The following MS4A12 variants were observed in gnomAD, a reference collection of about 807,000 sequenced individuals.
MS4A12 encodes the protein membrane-spanning 4-domains subfamily A member 12.
In MS4A12, 28 loss-of-function variants were observed where a neutral mutation model predicts 23.7. The observed-to-expected ratio is 1.18, with a 90% CI of 0.88 to 1.62. MS4A12 has a LOEUF of 1.62. MS4A12 is among the 40% of genes most tolerant of loss of function. The probability of loss-of-function intolerance (pLI) is 0.00; values close to 1 mark genes in which losing one functional copy is unlikely to be tolerated. For missense variants in MS4A12, 342 were observed against 327.0 expected (o/e 1.05, Z -0.35); for synonymous variants, 108 against 110.1 (o/e 0.98, Z 0.12).
At chr11:60,497,876 A>C in intron 2 of MS4A12, 1 of 295,576 alleles carries the variant, frequency 3.4e-6, no homozygotes. Context: ...CATTTCTTCA[A>C]AGGACTTTTT....
At chr11:60,505,772 C>T (rs1176978774) in intron 5 of MS4A12, among the ~76,000 whole-genome samples, 1 of 152,126 alleles carries the variant, frequency 6.6e-6, no homozygotes, top group Non-Finnish European at 1.5e-5. Flanking sequence ...TGGTACAAGA[C>T]CATGAGTAGT....
chr11:60,503,804 A>T lies in MS4A12; in HGVS notation c.575A>T (p.Asp192Val). 2 of 1,613,388 alleles carry T rather than the reference A, an allele frequency of 1.2e-6. No individual in the cohort carries two copies. The highest frequency in any genetic ancestry group is 1.7e-6 in the Non-Finnish European group (2 of 1,179,522). Residue 192 changes from aspartate to valine, a missense_variant, in exon 5 of 7, where the codon GAC becomes GTC. Asp to Val is a radical substitution (Grantham distance 152). Coordinates refer to ENST00000016913, the MANE Select transcript of MS4A12 (RefSeq NM_017716.3). ...DMCINGVAGQ[D>V]YWAVLSGKGI... Reference sequence around the variant, plus strand: ...TGCATCAATGGGGTAGCTGGCCAAGACTACTGGGCCGTGGTAAGTATCCCA... The same window carrying T: ...TGCATCAATGGGGTAGCTGGCCAAGTCTACTGGGCCGTGGTAAGTATCCCA...
At chr11:60,495,359 T>C (rs896410997) in intron 1 of MS4A12, among the ~76,000 whole-genome samples, 1 of 151,356 alleles carries the variant, frequency 6.6e-6, no homozygotes, top group Non-Finnish European at 1.5e-5. Flanking sequence ...TTTTCAACCA[T>C]TTTCAGTTGC....
At chr11:60,501,265 A>G in intron 3 of MS4A12, 83 bp downstream of exon 3, 3 of 1,343,478 alleles carry the variant, frequency 2.2e-6, no homozygotes, top group Non-Finnish European at 3.0e-6. Context: ...ATCTCCAGCC[A>G]ATTCACAACT....
chr11:60,494,251 G>T (rs2086471276), intron 1 of MS4A12, among the ~76,000 whole-genome samples: 1 of 152,030 alleles, frequency 6.6e-6, no homozygotes, highest in Non-Finnish European at 1.5e-5. Context: ...GAATAATCTG[G>T]GTTCTATGTG....
chr11:60,499,949 A>G (rs1010302609), intron 2 of MS4A12, among the ~76,000 whole-genome samples: 3 of 152,234 alleles, frequency 2.0e-5, no homozygotes, highest in Non-Finnish European at 1.5e-5. Context: ...GATTGGTAAG[A>G]AAATGATTGC....
At chr11:60,498,761 G>C (rs560811319) in intron 2 of MS4A12, among the ~76,000 whole-genome samples, 1 of 152,306 alleles carries the variant, frequency 6.6e-6, no homozygotes, top group Admixed American at 6.5e-5. Context: ...TGGTCAGAAT[G>C]GGCTTTCCTT....
chr11:60,505,832 G>T (rs997436321), intron 5 of MS4A12, among the ~76,000 whole-genome samples: 1 of 152,140 alleles, frequency 6.6e-6, no homozygotes, highest in Non-Finnish European at 1.5e-5. Context: ...CCCATACCCT[G>T]CATGGTACCC....
At position 60,503,815 on chromosome 11, in the gene MS4A12, G is replaced by T. The variant is rs767822239; in HGVS notation, c.586G>T (p.Val196Leu). The change falls in exon 5 of 7, where the codon GTG becomes TTG. Residue 196 changes from valine to leucine, a missense_variant and splice_region_variant. Coordinates refer to ENST00000016913, the MANE Select transcript of MS4A12 (RefSeq NM_017716.3). ...GGTAGCTGGCCAAGACTACTGGGCC[G>T]TGGTAAGTATCCCATACTCCACCAT... is the stretch of plus-strand genomic sequence containing the variant. ...NGVAGQDYWA[V>L]LSGKGISATL... is the part of the protein sequence containing the mutation. The T allele has an allele frequency of 6.2e-7, 1 of 1,610,924 alleles. No homozygotes were observed. The highest frequency in any genetic ancestry group is 1.1e-5 in the South Asian group (1 of 90,856).
At chr11:60,506,641 A>T (rs1356315387) in intron 5 of MS4A12, 87 bp from the exon 6 acceptor site, 1 of 896,674 alleles carries the variant, frequency 1.1e-6, no homozygotes, top group Admixed American at 2.1e-5. Context: ...TATAAGCAAT[A>T]GCACATTTGA....
Position 60,502,013 on chromosome 11 carries a change from G to A in MS4A12, c.445G>A (p.Ala149Thr). 1 of 1,613,068 alleles carries A rather than the reference G, an allele frequency of 6.2e-7. No homozygotes were observed. Reference sequence around the variant, plus strand: ...TATCTCTGGCTCTCTCTCTGTGTCAGCATCCAAGGAGCTTTCCCGTTGTCT... The same window carrying A: ...TATCTCTGGCTCTCTCTCTGTGTCAACATCCAAGGAGCTTTCCCGTTGTCT... ...FIISGSLSVSASKELSRCLVK... is the reference protein window; with the variant it reads ...FIISGSLSVSTSKELSRCLVK... Residue 149 changes from alanine to threonine, a missense_variant, in exon 4 of 7, where the codon GCA becomes ACA. Physicochemically the swap from Ala to Thr is moderately conservative, Grantham distance 58 (BLOSUM62 0). Transcript: ENST00000016913.
At chr11:60,504,836 T>C (rs1365080968) in intron 5 of MS4A12, among the ~76,000 whole-genome samples, 1 of 152,160 alleles carries the variant, frequency 6.6e-6, no homozygotes, top group Non-Finnish European at 1.5e-5. Flanking sequence ...ATTGGTATAA[T>C]CTGAAAGTTG....
intron 5 of MS4A12, among the ~76,000 whole-genome samples, chr11:60,505,459 G>C (rs2135235704): frequency 6.6e-6 from 1 of 152,092 alleles, no homozygotes; most frequent in South Asian, 2.1e-4. Context: ...GGTAAATAAG[G>C]CAGAGTGAAG....
chr11:60,495,469 T>C (rs1229875620), intron 1 of MS4A12, among the ~76,000 whole-genome samples: 2 of 151,898 alleles, frequency 1.3e-5, no homozygotes, highest in Non-Finnish European at 2.9e-5. Flanking sequence ...CATGGGGTTC[T>C]GTAAAGGGTA....
intron 1 of MS4A12, 96 bp downstream of exon 1, chr11:60,492,924 G>T (rs561193167): frequency 7.6e-4 from 115 of 152,298 alleles, no homozygotes; most frequent in African/African-American, 2.7e-3. Context: ...CTCTAGATTG[G>T]AGGGATGAAG....
chr11:60,501,727 G>A (rs549383628), intron 3 of MS4A12, among the ~76,000 whole-genome samples: 2 of 151,802 alleles, frequency 1.3e-5, no homozygotes, highest in South Asian at 4.2e-4. Context: ...TTATGAGAAG[G>A]GATGGAGCAG....
In MS4A12 at chr11:60,501,915, A is replaced by G. The variant is rs2086533354; in HGVS notation, c.415-68A>G. On this transcript the variant is annotated intron_variant, in intron 3 of 6. Coordinates refer to ENST00000016913, the MANE Select transcript of MS4A12 (RefSeq NM_017716.3). ...ATGAACATAAATAGACCAACCTTTC[A>G]TATAAAGAGAAATTCCCAAGCACAA... The G allele has an allele frequency of 3.5e-6, 5 of 1,414,530 alleles. No individual in the cohort carries two copies. In the South Asian group the frequency reaches 4.8e-5, roughly 14 times the overall value. 87.6% of individuals were successfully genotyped at this position (1,414,530 alleles called of 1,614,324 possible).
At chr11:60,495,922 A>T (rs1435101251) in intron 1 of MS4A12, among the ~76,000 whole-genome samples, 1 of 152,184 alleles carries the variant, frequency 6.6e-6, no homozygotes, top group African/African-American at 2.4e-5. Context: ...ATACCCTGTC[A>T]CCAAGGCTGG....
At chr11:60,506,338 G>A (rs1174013491) in intron 5 of MS4A12, among the ~76,000 whole-genome samples, 5 of 152,010 alleles carry the variant, frequency 3.3e-5, no homozygotes, top group African/African-American at 1.2e-4. Context: ...AGAGAGCTAG[G>A]ATAATAGTCA....
Sources: gnomAD v4.1 joint callset for allele counts (sites outside exome capture counted in the v4.1 genomes callset) on GRCh38, gnomAD v4.1.1 for gene constraint, MANE v1.5 for transcripts, NCBI Gene and HGNC (gene_info 2026-07-23, HGNC 2026-07-21) for gene names.